SEC24C: variants seen among roughly 807,000 people sequenced by gnomAD.
The protein encoded by SEC24C is protein transport protein Sec24C.
Under a neutral mutation model 117.0 loss-of-function variants are expected in SEC24C, and 22 were observed. That is an observed-to-expected ratio of 0.19 (90% CI 0.13 to 0.27). SEC24C has a LOEUF of 0.27. SEC24C is among the 10% of genes least tolerant of loss of function. SEC24C has a pLI of 1.00. For synonymous variants in SEC24C, 506 were observed against 529.4 expected (o/e 0.96, Z 0.61); for missense variants, 1,155 against 1,375.1 (o/e 0.84, Z 2.53).
intron 3 of SEC24C, among the ~76,000 whole-genome samples, chr10:73,756,080 C>T (rs2082706293): frequency 6.6e-6 from 1 of 152,056 alleles, no homozygotes; most frequent in African/African-American, 2.4e-5. Flanking sequence ...TCAAACTCCT[C>T]GCCTCAGGTG....
chr10:73,760,042 C>A lies in SEC24C; in HGVS notation c.506C>A (p.Ala169Asp). 6.3e-7 allele frequency: 1 copy of A among 1,589,588 alleles called. No individual in the cohort carries two copies. Among genetic ancestry groups the A allele is most frequent in the East Asian group, 2.3e-5 (1 of 44,348 alleles). ...GGCCCACCAACATCGCTGGCTTCAG[C>A]CTCAGGAAGTTTCCCTAACTCTGGT... ...GFGPPTSLAS[A>D]SGSFPNSGLY... The change falls in exon 5 of 23, where the codon GCC becomes GAC. Residue 169 changes from alanine to aspartate, a missense_variant. Coordinates refer to ENST00000345254, the MANE Select transcript of SEC24C (RefSeq NM_198597.3).
chr10:73,748,378 A>G (rs1419119048), intron 2 of SEC24C, among the ~76,000 whole-genome samples: 1 of 151,220 alleles, frequency 6.6e-6, no homozygotes, highest in African/African-American at 2.4e-5. Context: ...CAAATGATTC[A>G]CCCATCTCGG....
At chr10:73,749,178 G>A (rs1325182773) in intron 2 of SEC24C, among the ~76,000 whole-genome samples, 2 of 152,208 alleles carry the variant, frequency 1.3e-5, no homozygotes, top group Non-Finnish European at 2.9e-5. Context: ...ATTGTTCAGA[G>A]CTAAATGGAA....
chr10:73,758,785 T>G (rs2132546623), intron 3 of SEC24C, among the ~76,000 whole-genome samples: 1 of 152,348 alleles, frequency 6.6e-6, no homozygotes, highest in South Asian at 2.1e-4. Context: ...TGTAGCTACA[T>G]GCCACATTTT....
At chr10:73,755,533 T>C (rs1269868244) in intron 3 of SEC24C, among the ~76,000 whole-genome samples, 1 of 151,480 alleles carries the variant, frequency 6.6e-6, no homozygotes, top group Non-Finnish European at 1.5e-5. Flanking sequence ...AAAAATTAGC[T>C]GGGCGCGGTG....
intron 7 of SEC24C, 48 bp downstream of exon 7, chr10:73,763,649 A>G (rs188801987): frequency 4.6e-5 from 20 of 435,680 alleles, no homozygotes; most frequent in Non-Finnish European, 3.9e-6. Context: ...CTTCAAGATT[A>G]TCAGCTTATG....
chr10:73,769,299 G>T lies in SEC24C; in HGVS notation c.2425-48G>T, dbSNP rs761360564. The stretch of plus-strand genomic sequence containing the variant: ...TTCCAGTTTAATAGTGTAGCAAAGG[G>T]CCTTTGTGAGGGAGGGGTGTGAGTT... On this transcript the variant is annotated intron_variant, in intron 17 of 22. Transcript: ENST00000345254. This position sits in a 1 kb window ranked among gnomAD's most constrained non-coding sequence, Gnocchi z 4.5. 6.2e-7 allele frequency: 1 copy of T among 1,608,050 alleles called. No individual in the cohort carries two copies. Among genetic ancestry groups the T allele is most frequent in the Non-Finnish European group, 8.5e-7 (1 of 1,177,026 alleles).
chr10:73,763,910 C>T lies in SEC24C; in HGVS notation c.1154C>T (p.Ser385Phe). 6.2e-7 allele frequency: 1 copy of T among 1,613,598 alleles called. No homozygotes were observed. Among genetic ancestry groups the T allele is most frequent in the Non-Finnish European group, 8.5e-7 (1 of 1,179,848 alleles). Residue 385 changes from serine to phenylalanine, a missense_variant, in exon 8 of 23, where the codon TCT (serine) becomes TTT (phenylalanine). Transcript: ENST00000345254. The stretch of plus-strand genomic sequence containing the variant: ...ACATCCTATAATATCCCTTGCACAT[C>T]TGACATGGCTAAGCAGGCTCAGGTG... ...RCTSYNIPCT[S>F]DMAKQAQVPL...
rs1287283982 is a variant in SEC24C at position 73,767,086 on chromosome 10, C to T, written c.1926C>T (p.Phe642=). The T allele has an allele frequency of 6.2e-7, 1 of 1,613,972 alleles. No homozygotes were observed. The highest frequency in any genetic ancestry group is 2.2e-5 in the East Asian group (1 of 44,880). Residue 642 remains phenylalanine (F), a synonymous_variant, in exon 14 of 23, where the codon TTC becomes TTT. Coordinates refer to ENST00000345254, the MANE Select transcript of SEC24C (RefSeq NM_198597.3). ...AAECAGKLFL[F]HTSLPIAEAP... ...AGTGTGCAGGGAAGCTCTTTCTATT[C>T]CATACATCCCTGCCCATTGCAGAGG...
rs1216675996 is a variant in SEC24C, at chr10:73,765,598, A to C, written c.1366+9A>C. ...CAGCTGTATCAATGATGGTATGTTC[A>C]TGGAAGCTGGGATTTGGGGGAAGGT... On this transcript the variant is annotated intron_variant, in intron 9 of 22. Transcript: ENST00000345254. The C allele has an allele frequency of 1.9e-6, 3 of 1,612,134 alleles. No individual in the cohort carries two copies. In the Admixed American group the frequency reaches 5.0e-5, roughly 27 times the overall value.
rs544024209 is a variant in SEC24C at position 73,760,560 on chromosome 10, C to T, written c.851-153C>T. 1.2e-4 allele frequency among the ~76,000 whole-genome samples: 18 copies of T among 152,244 alleles called. No homozygotes were observed. The South Asian group carries it at 3.5e-3, about 30-fold the overall frequency. ...TTTGTAAGACATTATTTTTTCTTGT[C>T]GTTCTGATAACATGGTATTTTTCTG... On this transcript the variant is annotated intron_variant, in intron 5 of 22. Transcript: ENST00000345254.
At chr10:73,764,107 C>T in intron 8 of SEC24C, 124 bp downstream of exon 8, 1 of 1,301,270 alleles carries the variant, frequency 7.7e-7, no homozygotes, top group Non-Finnish European at 1.0e-6. Flanking sequence ...GGAGAGGAGA[C>T]TGTCTTTAGT....
intron 2 of SEC24C, among the ~76,000 whole-genome samples, chr10:73,747,324 AG>A (rs765942448): frequency 5.9e-5 from 9 of 152,142 alleles, no homozygotes; most frequent in Non-Finnish European, 1.2e-4. Context: ...CTGGGATTAC[AG>A]GCATGCACCA....
intron 3 of SEC24C, among the ~76,000 whole-genome samples, chr10:73,757,604 C>T (rs919338655): frequency 4.0e-5 from 6 of 151,436 alleles, no homozygotes; most frequent in East Asian, 2.0e-4. Context: ...CACCTCAGTC[C>T]GGGCTGGAAG....
intron 3 of SEC24C, among the ~76,000 whole-genome samples, chr10:73,752,951 C>G (rs1025624739): frequency 3.9e-5 from 6 of 152,212 alleles, no homozygotes; most frequent in African/African-American, 1.4e-4. Flanking sequence ...CCACTCACCC[C>G]AAAAGCCTTT....
rs1477856092 is a variant in SEC24C at position 73,760,267 on chromosome 10, C to G, written c.731C>G (p.Pro244Arg). 6.2e-7 allele frequency: 1 copy of G among 1,614,052 alleles called. No homozygotes were observed. Among genetic ancestry groups the G allele is most frequent in the East Asian group, 2.2e-5 (1 of 44,848 alleles). ...QSFGGPSVSQ[P>R]NHVSSPPQAL... ...TTTGGAGGGCCCTCAGTGAGCCAGC[C>G]CAACCATGTGTCTTCACCTCCTCAA... Residue 244 changes from proline (P) to arginine (R), a missense_variant, in exon 5 of 23, where the codon CCC (proline) becomes CGC (arginine). Around this residue, in one of 2 missense-constraint regions of SEC24C, gnomAD observed 396 missense variants for 382.8 expected, o/e 1.03. Coordinates refer to ENST00000345254, the MANE Select transcript of SEC24C (RefSeq NM_198597.3).
At chr10:73,766,261 G>A (rs2082881941) in intron 11 of SEC24C, 51 bp downstream of exon 11, 3 of 1,590,370 alleles carry the variant, frequency 1.9e-6, no homozygotes, top group Non-Finnish European at 2.6e-6. Flanking sequence ...TAGGGTGTCT[G>A]GGTTGACTGA....
rs1182839352 is a variant in SEC24C at position 73,769,893 on chromosome 10, A to G, written c.2740A>G (p.Ser914Gly). 6.2e-7 allele frequency: 1 copy of G among 1,614,166 alleles called. No individual in the cohort carries two copies. The highest frequency in any genetic ancestry group is 1.1e-5 in the South Asian group (1 of 91,084). Reference sequence around the variant, plus strand: ...AGTTTACCTGAACTGTGTGTTGAAGAGTGATGTCCTGCAGCCTGGAGCTGA... The same window carrying G: ...AGTTTACCTGAACTGTGTGTTGAAGGGTGATGTCCTGCAGCCTGGAGCTGA... ...LPVYLNCVLKSDVLQPGAEVT... is the reference protein window; with the variant it reads ...LPVYLNCVLKGDVLQPGAEVT... The change falls in exon 20 of 23, where the codon AGT (serine) becomes GGT (glycine). Residue 914 changes from serine to glycine, a missense_variant. Around this residue, in one of 2 missense-constraint regions of SEC24C, gnomAD observed 759 missense variants for 992.3 expected, o/e 0.76. Coordinates refer to ENST00000345254, the MANE Select transcript of SEC24C (RefSeq NM_198597.3). This position sits in a 1 kb window ranked among gnomAD's most constrained non-coding sequence, Gnocchi z 4.5.
chr10:73,746,178 A>C (rs11000763), intron 1 of SEC24C, among the ~76,000 whole-genome samples: 69,845 of 144,374 alleles, frequency 0.48, 18,296 homozygotes, highest in Middle Eastern at 0.63. Context: ...AAAAAAAAAA[A>C]AAAACCTTCA....
Sources: gnomAD v4.1 joint callset for allele counts (sites outside exome capture counted in the v4.1 genomes callset) on GRCh38, gnomAD v4.1.1 for gene constraint, gnomAD v4.1.1 regional missense constraint, Gnocchi (gnomAD v3.1) non-coding constraint, MANE v1.5 for transcripts, NCBI Gene and HGNC (gene_info 2026-07-23, HGNC 2026-07-21) for gene names.